Variants in ADGRL3 observed in about 807,000 individuals in gnomAD.
ADGRL3 encodes calcium-independent alpha-latrotoxin receptor 3.
A neutral mutation model predicts 153.5 loss-of-function variants in ADGRL3; 62 were observed. The ratio of observed to expected loss-of-function variants is 0.40; its 90% CI spans 0.33 to 0.50. The LOEUF (loss-of-function observed/expected upper bound fraction) is 0.50. Among genes scored for constraint, ADGRL3 ranks in the 20% least tolerant of loss-of-function variants. ADGRL3 has a pLI of 0.47. For missense variants in ADGRL3, 1,641 were observed against 1,859.4 expected, an observed-to-expected ratio of 0.88 and a Z score of 2.16; for synonymous variants, 710 against 672.5, an observed-to-expected ratio of 1.06 and a Z score of -0.86.
intron 5 of ADGRL3, among the ~76,000 whole-genome samples, chr4:61,648,139 G>A (rs1467462261): frequency 6.6e-6 from 1 of 151,924 alleles, no homozygotes; most frequent in African/African-American, 2.4e-5. Context: ...GTGCTAATCA[G>A]CTGTACCAAA....
At chr4:61,990,396 G>T (rs555071652) in intron 19 of ADGRL3, among the ~76,000 whole-genome samples, 1 of 152,046 alleles carries the variant, frequency 6.6e-6, no homozygotes, top group Admixed American at 6.6e-5. Flanking sequence ...ATGGATCATT[G>T]TAGAGCAGTG....
intron 2 of ADGRL3, among the ~76,000 whole-genome samples, chr4:61,414,451 A>C (rs1259985351): frequency 6.6e-6 from 1 of 152,106 alleles, no homozygotes; most frequent in Non-Finnish European, 1.5e-5. Flanking sequence ...TACTGTTGTT[A>C]TTCCCAGAGA....
intron 5 of ADGRL3, among the ~76,000 whole-genome samples, chr4:61,605,694 C>T (rs931336120): frequency 6.6e-6 from 1 of 152,056 alleles, no homozygotes; most frequent in African/African-American, 2.4e-5. Context: ...TACCTTGATA[C>T]AAAAAAGTGC....
At chr4:61,353,697 T>C in intron 1 of ADGRL3, among the ~76,000 whole-genome samples, 1 of 145,594 alleles carries the variant, frequency 6.9e-6, no homozygotes, top group African/African-American at 2.5e-5. Flanking sequence ...TGCCTTGACC[T>C]CCCAAAGTGC....
At chr4:61,479,546 A>T (rs961804785) in intron 2 of ADGRL3, among the ~76,000 whole-genome samples, 1 of 152,124 alleles carries the variant, frequency 6.6e-6, no homozygotes, top group South Asian at 2.1e-4. Flanking sequence ...TTGTTTTATT[A>T]TAAGTAGAAT....
At chr4:61,885,609 T>A (rs2098534105) in intron 9 of ADGRL3, among the ~76,000 whole-genome samples, 1 of 152,178 alleles carries the variant, frequency 6.6e-6, no homozygotes, top group African/African-American at 2.4e-5. Flanking sequence ...GTAACGCCTA[T>A]AAAAGCATAT....
intron 11 of ADGRL3, among the ~76,000 whole-genome samples, chr4:61,899,184 G>T (rs1658715337): frequency 8.3e-6 from 1 of 119,824 alleles, no homozygotes; most frequent in African/African-American, 3.2e-5. Flanking sequence ...CCTTACTGAG[G>T]ACTTTCTTGC....
intron 2 of ADGRL3, among the ~76,000 whole-genome samples, chr4:61,408,195 T>C (rs1253801716): frequency 6.6e-6 from 1 of 152,118 alleles, no homozygotes; most frequent in South Asian, 2.1e-4. Flanking sequence ...AGGTTTTTTT[T>C]AAAGATCACA....
chr4:61,765,822 T>C (rs1291492345), intron 8 of ADGRL3, among the ~76,000 whole-genome samples: 1 of 152,026 alleles, frequency 6.6e-6, no homozygotes, highest in Non-Finnish European at 1.5e-5. Context: ...GAGCTTGATG[T>C]GTAGGGAAGG....
intron 4 of ADGRL3, among the ~76,000 whole-genome samples, chr4:61,538,304 T>TAGTGATG (rs1483445881): frequency 2.0e-5 from 3 of 151,068 alleles, no homozygotes; most frequent in Non-Finnish European, 4.4e-5. Context: ...CAAATGATGC[T>TAGTGATG]TGTTGTAGTG....
intron 2 of ADGRL3, among the ~76,000 whole-genome samples, chr4:61,416,840 T>C (rs760991407): frequency 4.6e-4 from 70 of 152,318 alleles, no homozygotes; most frequent in African/African-American, 1.5e-3. Context: ...ATTTCTGTTA[T>C]TATTACATTC....
intron 15 of ADGRL3, among the ~76,000 whole-genome samples, chr4:61,940,150 A>T (rs896271778): frequency 2.0e-5 from 2 of 102,348 alleles, no homozygotes; most frequent in African/African-American, 3.8e-5. Flanking sequence ...CTCATTGTTC[A>T]ATTCCCACCT....
At chr4:61,522,555 G>A (rs2098537524) in intron 4 of ADGRL3, among the ~76,000 whole-genome samples, 1 of 152,152 alleles carries the variant, frequency 6.6e-6, no homozygotes, top group Non-Finnish European at 1.5e-5. Context: ...ACTGTTAGGA[G>A]CAGGAAAAGG....
At chr4:61,817,376 C>T (rs1042804035) in intron 9 of ADGRL3, among the ~76,000 whole-genome samples, 1 of 152,154 alleles carries the variant, frequency 6.6e-6, no homozygotes, top group South Asian at 2.1e-4. Context: ...CCATGGCTGC[C>T]CATGGACCAA....
intron 1 of ADGRL3, among the ~76,000 whole-genome samples, chr4:61,208,763 T>A (rs531122331): frequency 6.6e-6 from 1 of 152,266 alleles, no homozygotes. Flanking sequence ...TGAATATTTA[T>A]ATATCTTGGG....
chr4:61,455,763 A>C (rs1280981843), intron 2 of ADGRL3, among the ~76,000 whole-genome samples: 1 of 151,980 alleles, frequency 6.6e-6, no homozygotes, highest in African/African-American at 2.4e-5. Flanking sequence ...TCTATTCCTT[A>C]CCTGATTCTA....
chr4:61,519,351 G>A (rs1488325720), intron 4 of ADGRL3, among the ~76,000 whole-genome samples: 1 of 152,132 alleles, frequency 6.6e-6, no homozygotes, highest in Non-Finnish European at 1.5e-5. Flanking sequence ...AAATAGAAAA[G>A]CTGTATTATA....
chr4:61,714,165 C>CA (rs149805173), intron 6 of ADGRL3, among the ~76,000 whole-genome samples: 2,341 of 149,446 alleles, frequency 0.016, 42 homozygotes, highest in East Asian at 0.081. Flanking sequence ...AGTAAACAAA[C>CA]AAAAAAAAAG....
intron 5 of ADGRL3, among the ~76,000 whole-genome samples, chr4:61,642,799 A>G (rs1163061160): frequency 6.6e-6 from 1 of 152,088 alleles, no homozygotes; most frequent in Non-Finnish European, 1.5e-5. Flanking sequence ...ATGAACTTTA[A>G]AGTAGTTTTT....
Sources: allele counts gnomAD v4.1 joint callset (sites outside exome capture counted in the v4.1 genomes callset), GRCh38; gene constraint gnomAD v4.1.1; transcripts MANE v1.5; gene names NCBI Gene and HGNC (gene_info 2026-07-23, HGNC 2026-07-21).